Variants in DNAJB6 observed in about 807,000 individuals in gnomAD.
DNAJB6 encodes DnaJ heat shock protein family (Hsp40) member B6, also known as dnaJ homolog subfamily B member 6.
In DNAJB6, 16 loss-of-function variants were observed where a neutral mutation model predicts 42.7. The observed-to-expected ratio is 0.37, with a 90% CI of 0.25 to 0.57. DNAJB6 has a LOEUF of 0.57. DNAJB6 is among the 20% of genes least tolerant of loss of function. DNAJB6 has a pLI of 0.74. For missense variants in DNAJB6, 347 were observed against 416.8 expected (o/e 0.83, Z 1.46); for synonymous variants, 170 against 163.5 (o/e 1.04, Z -0.30).
intron 8 of DNAJB6, among the ~76,000 whole-genome samples, chr7:157,395,340 A>T (rs1801533364): frequency 6.6e-6 from 1 of 152,260 alleles, no homozygotes; most frequent in African/African-American, 2.4e-5. Context: ...CTGACTTTTA[A>T]CATTAACATA....
At chr7:157,360,260 G>A (rs1198459108) in intron 2 of DNAJB6, among the ~76,000 whole-genome samples, 1 of 152,178 alleles carries the variant, frequency 6.6e-6, no homozygotes, top group Admixed American at 6.5e-5. Flanking sequence ...AGAAGCAAAA[G>A]CGGAAACCCC....
chr7:157,364,483 T>G (rs1367150211), intron 3 of DNAJB6, among the ~76,000 whole-genome samples: 2 of 152,186 alleles, frequency 1.3e-5, no homozygotes, highest in African/African-American at 4.8e-5. Flanking sequence ...TCTTGCTATG[T>G]TTCCTAGGGA....
intron 3 of DNAJB6, among the ~76,000 whole-genome samples, chr7:157,364,609 C>G (rs1416385100): frequency 6.6e-6 from 1 of 152,110 alleles, no homozygotes; most frequent in Non-Finnish European, 1.5e-5. Context: ...GGGCACAGGC[C>G]TCAGTGTTAC....
At chr7:157,351,935 C>T in intron 1 of DNAJB6, among the ~76,000 whole-genome samples, 1 of 152,094 alleles carries the variant, frequency 6.6e-6, no homozygotes, top group Admixed American at 6.6e-5. Context: ...GGGGAGGTTT[C>T]AGTGAGTCGA....
rs1288964386 is a variant in DNAJB6, at chr7:157,416,930, G to A, written c.*832G>A. 2 of 152,208 alleles carry A rather than the reference G, an allele frequency of 1.3e-5. No individual in the cohort carries two copies. The allele number at this position is 152,208 out of a possible 1,614,324, so 9.4% of individuals were successfully genotyped here. A position where few individuals can be genotyped will look rare whatever the true frequency, so the allele number is the denominator to read the frequency against. Reference sequence around the variant, plus strand: ...TCGCGAACATTGACTCCTTACGAAAGTCACTTCATTCTAACTAGATGCGCC... The same window carrying A: ...TCGCGAACATTGACTCCTTACGAAAATCACTTCATTCTAACTAGATGCGCC... On this transcript the variant is annotated 3_prime_UTR_variant, in exon 10 of 10. Transcript: ENST00000262177.
chr7:157,409,903 C>A lies in DNAJB6; in HGVS notation c.800C>A (p.Ser267Ter), dbSNP rs1159982433. ...LRPPKPPRPA[S>*]LLRHAPHCLS... ...CCGCCGAAGCCGCCCCGGCCTGCCT[C>A]GCTGCTGAGACACGCGCCTCACTGT... is the stretch of plus-strand genomic sequence containing the variant. Residue 267 changes from serine (S) to a stop codon, truncating the protein, a stop_gained, in exon 9 of 10, where the codon TCG becomes TAG. Coordinates refer to ENST00000262177, the MANE Select transcript of DNAJB6 (RefSeq NM_058246.4). LOFTEE classifies it high-confidence loss of function. 2 of 1,534,688 alleles carry A rather than the reference C, an allele frequency of 1.3e-6. No individual in the cohort carries two copies. The highest frequency in any genetic ancestry group is 1.4e-5 in the African/African-American group (1 of 73,044).
chr7:157,339,205 C>T (rs1378238973), intron 1 of DNAJB6, among the ~76,000 whole-genome samples: 1 of 151,536 alleles, frequency 6.6e-6, no homozygotes, highest in Non-Finnish European at 1.5e-5. Flanking sequence ...ACAGTGGTAC[C>T]CGTCACCCTC....
intron 8 of DNAJB6, among the ~76,000 whole-genome samples, chr7:157,395,440 C>T (rs1584937926): frequency 1.3e-5 from 2 of 152,160 alleles, no homozygotes; most frequent in East Asian, 1.9e-4. Context: ...GCTTTGGGCT[C>T]CTGAGCTCAG....
intron 1 of DNAJB6, among the ~76,000 whole-genome samples, chr7:157,357,969 A>G (rs1039683351): frequency 1.1e-4 from 17 of 152,166 alleles, no homozygotes; most frequent in African/African-American, 3.9e-4. Flanking sequence ...CCAGAGGGTA[A>G]AGTTAACGCT....
Position 157,409,868 on chromosome 7 carries a change from C to T in DNAJB6, c.765C>T (p.Ala255=), listed in dbSNP as rs746862001. ...AGAACGCCCTGCCAGCCCAGCCTGC[C>T]GGCCTCCGCCCGCCGAAGCCGCCCC... ...RGQNALPAQP[A]GLRPPKPPRP... Residue 255 remains alanine, a synonymous_variant, in exon 9 of 10, where the codon GCC becomes GCT. Transcript: ENST00000262177. The T allele has an allele frequency of 2.1e-5, 32 of 1,533,196 alleles. No homozygotes were observed. Among genetic ancestry groups the T allele is most frequent in the Non-Finnish European group, 2.8e-5 (32 of 1,145,654 alleles). 95.0% of individuals were successfully genotyped at this position (1,533,196 alleles called of 1,614,324 possible).
chr7:157,392,967 T>G (rs1386746116), intron 8 of DNAJB6, among the ~76,000 whole-genome samples: 1 of 152,120 alleles, frequency 6.6e-6, no homozygotes, highest in Non-Finnish European at 1.5e-5. Flanking sequence ...GGTATTCTGA[T>G]TTTATTATAT....
At chr7:157,363,721 T>C (rs1034281049) in intron 3 of DNAJB6, among the ~76,000 whole-genome samples, 11 of 152,208 alleles carry the variant, frequency 7.2e-5, no homozygotes, top group African/African-American at 2.7e-4. Flanking sequence ...GGATGGAACA[T>C]ACAGCTAAAA....
intron 5 of DNAJB6, among the ~76,000 whole-genome samples, chr7:157,376,742 G>A (rs1355131872): frequency 6.6e-6 from 1 of 151,990 alleles, no homozygotes; most frequent in Non-Finnish European, 1.5e-5. Context: ...TTAGCCAGGC[G>A]GGGTGGCAGG....
intron 1 of DNAJB6, among the ~76,000 whole-genome samples, chr7:157,355,230 G>T (rs1187887833): frequency 6.6e-6 from 1 of 152,170 alleles, no homozygotes; most frequent in East Asian, 1.9e-4. Context: ...CGCGATCTCG[G>T]CTCACTGCAG....
intron 8 of DNAJB6, among the ~76,000 whole-genome samples, chr7:157,405,801 G>T (rs1287079575): frequency 6.6e-6 from 1 of 152,240 alleles, no homozygotes; most frequent in Non-Finnish European, 1.5e-5. Flanking sequence ...GAGCCATGGG[G>T]TGGTGCTTGT....
chr7:157,407,106 G>A (rs559994877), intron 8 of DNAJB6, among the ~76,000 whole-genome samples: 1 of 152,242 alleles, frequency 6.6e-6, no homozygotes, highest in African/African-American at 2.4e-5. Flanking sequence ...AGGTGGGGGG[G>A]GTCCCAACCG....
chr7:157,366,742 CTA>C (rs1799866252), intron 4 of DNAJB6, among the ~76,000 whole-genome samples, 181 bp downstream of exon 4: 1 of 152,054 alleles, frequency 6.6e-6, no homozygotes, highest in African/African-American at 2.4e-5. Flanking sequence ...TTTTACGAGA[CTA>C]GAAGTATATG....
chr7:157,354,774 G>T (rs976739470), intron 1 of DNAJB6, among the ~76,000 whole-genome samples: 3 of 152,194 alleles, frequency 2.0e-5, no homozygotes, highest in African/African-American at 7.2e-5. Flanking sequence ...TTATTTCAGA[G>T]GTAGACTCGG....
At chr7:157,377,378 A>G (rs1800525526) in intron 5 of DNAJB6, among the ~76,000 whole-genome samples, 1 of 152,224 alleles carries the variant, frequency 6.6e-6, no homozygotes, top group African/African-American at 2.4e-5. Flanking sequence ...TGTTTCAAGT[A>G]ATGTTTGTAC....
Sources: allele counts gnomAD v4.1 joint callset (sites outside exome capture counted in the v4.1 genomes callset), GRCh38; gene constraint gnomAD v4.1.1; transcripts MANE v1.5; gene names NCBI Gene and HGNC (gene_info 2026-07-23, HGNC 2026-07-21).